The following MYO5B variants were observed in gnomAD, a reference collection of about 807,000 sequenced individuals.
The protein encoded by MYO5B is unconventional myosin-Vb.
A neutral mutation model predicts 229.3 loss-of-function variants in MYO5B; 143 were observed. That is an observed-to-expected ratio of 0.62 (90% CI 0.54 to 0.72). The LOEUF is 0.72. Among genes scored for constraint, MYO5B ranks in the 30% least tolerant of loss-of-function variants. The pLI is 0.00. For synonymous variants in MYO5B, 918 were observed against 885.2 expected (o/e 1.04, Z -0.66); for missense variants, 2,321 against 2,331.0 (o/e 1.00, Z 0.09).
chr18:50,007,896 A>T (rs1033068626), intron 4 of MYO5B, among the ~76,000 whole-genome samples: 2 of 152,240 alleles, frequency 1.3e-5, no homozygotes, highest in African/African-American at 4.8e-5. Flanking sequence ...CCCATTTTAA[A>T]TAAGAGAAAA....
At chr18:49,836,662 C>T (rs778043356) in intron 38 of MYO5B, 49 bp downstream of exon 38, 3 of 1,607,422 alleles carry the variant, frequency 1.9e-6, no homozygotes, top group Non-Finnish European at 2.6e-6. Flanking sequence ...GGAATGGACT[C>T]AGGGCTTCCT....
intron 4 of MYO5B, among the ~76,000 whole-genome samples, chr18:50,002,768 A>G (rs1184267458): frequency 6.6e-6 from 1 of 152,142 alleles, no homozygotes. Context: ...ACTGGAAGCA[A>G]CTTAGCTCTC....
At chr18:50,052,587 G>C (rs2030425534) in intron 2 of MYO5B, among the ~76,000 whole-genome samples, 1 of 147,614 alleles carries the variant, frequency 6.8e-6, no homozygotes, top group Non-Finnish European at 1.5e-5. Context: ...GATAGCATTA[G>C]GAGATATACC....
At chr18:49,893,813 G>T (rs929629448) in intron 22 of MYO5B, among the ~76,000 whole-genome samples, 6 of 152,306 alleles carry the variant, frequency 3.9e-5, no homozygotes, top group Non-Finnish European at 1.5e-5. Flanking sequence ...AACCTCCACG[G>T]ATGTCTGTGT....
chr18:49,834,412 T>G (rs2144026810), intron 39 of MYO5B, among the ~76,000 whole-genome samples: 1 of 152,280 alleles, frequency 6.6e-6, no homozygotes, highest in Admixed American at 6.5e-5. Flanking sequence ...CCACAGGTAA[T>G]CATGGGAGAA....
At chr18:50,051,501 G>C (rs2030391946) in intron 2 of MYO5B, among the ~76,000 whole-genome samples, 1 of 152,176 alleles carries the variant, frequency 6.6e-6, no homozygotes, top group African/African-American at 2.4e-5. Flanking sequence ...GTCAAAAAGG[G>C]AGGTGGGGCC....
chr18:49,892,816 C>G (rs1043642026), intron 22 of MYO5B, among the ~76,000 whole-genome samples: 3 of 152,186 alleles, frequency 2.0e-5, no homozygotes, highest in East Asian at 3.9e-4. Context: ...CATGAGTCAT[C>G]TCCTGTTGGT....
In MYO5B at chr18:49,990,515, A is replaced by G; in HGVS notation, c.762T>C (p.Asp254=). Residue 254 remains aspartate (D), a synonymous_variant, in exon 7 of 40, where the codon GAT becomes GAC. Transcript: ENST00000285039. ...LEKSRVVFQA[D]DERNYHIFYQ... ...AAAAGATGTGGTAATTCCTCTCATC[A>G]TCTGCCTGGAGGAGGAAGAAGTGAA... is the stretch of plus-strand genomic sequence containing the variant. 6.2e-7 allele frequency: 1 copy of G among 1,613,454 alleles called. No individual in the cohort carries two copies. The highest frequency in any genetic ancestry group is 8.5e-7 in the Non-Finnish European group (1 of 1,179,502).
chr18:50,078,640 T>A (rs1253676814), intron 1 of MYO5B, among the ~76,000 whole-genome samples: 1 of 152,178 alleles, frequency 6.6e-6, no homozygotes, highest in Non-Finnish European at 1.5e-5. Context: ...TTTATGAACG[T>A]GTCAACAGGT....
rs765059688 is a variant in MYO5B, at chr18:49,853,547, G to C, written c.4123C>G (p.Gln1375Glu). 21 of 1,614,088 alleles carry C rather than the reference G, an allele frequency of 1.3e-5. No homozygotes were observed. Among genetic ancestry groups the C allele is most frequent in the Non-Finnish European group, 1.8e-5 (21 of 1,180,038 alleles). The stretch of plus-strand genomic sequence containing the variant: ...AGCGTCTGGCAGAAGGTCTGCTGCT[G>C]TTTGTCCATCTCCTCCTTCAGGGCC... ...LEALKEEMDK[Q>E]QQTFCQTLLL... Residue 1375 changes from glutamine (Q) to glutamate (E), a missense_variant, in exon 31 of 40, where the codon CAG (glutamine) becomes GAG (glutamate). Gln to Glu is a conservative substitution (Grantham distance 29). Around this residue, in one of 2 missense-constraint regions of MYO5B, gnomAD observed 2,113 missense variants for 2,044.7 expected, o/e 1.03. Transcript: ENST00000285039.
intron 1 of MYO5B, among the ~76,000 whole-genome samples, chr18:50,182,481 A>G (rs2033086715): frequency 6.6e-6 from 1 of 152,208 alleles, no homozygotes; most frequent in African/African-American, 2.4e-5. Flanking sequence ...TAACCTTGAG[A>G]AGGTAAGGGC....
In MYO5B at chr18:50,130,306, G is replaced by C. The variant is rs562361272; in HGVS notation, c.27+64461C>G. ...CTCATTATCGATTAGCCAGCAGAAG[G>C]CATCAGGACTTATAATTAAGTTTTC... On this transcript the variant is annotated intron_variant, in intron 1 of 39. Transcript: ENST00000285039. Among the ~76,000 whole-genome samples, 3 of 152,270 alleles carry C rather than the reference G, an allele frequency of 2.0e-5. No individual in the cohort carries two copies. In the East Asian group the frequency reaches 5.8e-4, roughly 29 times the overall value.
At chr18:50,141,383 G>A (rs1227220106) in intron 1 of MYO5B, among the ~76,000 whole-genome samples, 1 of 152,222 alleles carries the variant, frequency 6.6e-6, no homozygotes, top group Non-Finnish European at 1.5e-5. Flanking sequence ...CTGAGCTGCT[G>A]CTTTCAGCAC....
At chr18:49,937,777 G>A (rs1357433285) in intron 14 of MYO5B, among the ~76,000 whole-genome samples, 1 of 152,034 alleles carries the variant, frequency 6.6e-6, no homozygotes, top group Non-Finnish European at 1.5e-5. Flanking sequence ...GAAATATCCA[G>A]GGAATAGAAA....
At chr18:50,061,597 G>A (rs1394182431) in intron 1 of MYO5B, among the ~76,000 whole-genome samples, 1 of 152,062 alleles carries the variant, frequency 6.6e-6, no homozygotes, top group Non-Finnish European at 1.5e-5. Context: ...AGTGCTGGCT[G>A]GCATACAAGA....
intron 1 of MYO5B, among the ~76,000 whole-genome samples, chr18:50,154,301 C>A (rs72921725): frequency 0.092 from 14,018 of 151,850 alleles, 733 homozygotes; most frequent in East Asian, 0.19. Flanking sequence ...AGCTTATCCC[C>A]CACCCAAAAA....
rs1487809630 is a variant in MYO5B at position 49,915,680 on chromosome 18, C to T, written c.2091-3507G>A. 5.3e-5 allele frequency among the ~76,000 whole-genome samples: 8 copies of T among 152,210 alleles called. No homozygotes were observed. The East Asian group carries it at 7.7e-4, about 15-fold the overall frequency. On this transcript the variant is annotated intron_variant, in intron 17 of 39. Coordinates refer to ENST00000285039, the MANE Select transcript of MYO5B (RefSeq NM_001080467.3). The stretch of plus-strand genomic sequence containing the variant: ...GAAACATTTAAGGTTATTTGCCTAG[C>T]TACATATTGTTTTAATTATTTGATC...
intron 1 of MYO5B, among the ~76,000 whole-genome samples, chr18:50,125,715 A>G (rs1190307761): frequency 1.3e-5 from 2 of 152,198 alleles, no homozygotes; most frequent in African/African-American, 4.8e-5. Flanking sequence ...CTGTATACCA[A>G]GTTCACAGAC....
intron 17 of MYO5B, among the ~76,000 whole-genome samples, chr18:49,929,149 C>T (rs1487822484): frequency 6.6e-6 from 1 of 152,044 alleles, no homozygotes; most frequent in Admixed American, 6.5e-5. Context: ...ATGGTAAATA[C>T]ATATATTTTC....
Sources: allele counts gnomAD v4.1 joint callset (sites outside exome capture counted in the v4.1 genomes callset), GRCh38; gene constraint gnomAD v4.1.1; regional missense constraint gnomAD v4.1.1; transcripts MANE v1.5; gene names NCBI Gene and HGNC (gene_info 2026-07-23, HGNC 2026-07-21).